Variants in DMD observed in about 807,000 individuals in gnomAD.
DMD encodes mutant dystrophin.
In DMD, 63 loss-of-function variants were observed where a neutral mutation model predicts 330.1. That is an observed-to-expected ratio of 0.19 (90% CI 0.16 to 0.24). The LOEUF is 0.24. Among genes scored for constraint, DMD ranks in the 10% least tolerant of loss-of-function variants. The pLI, the probability that DMD is intolerant of heterozygous loss-of-function variation, is 1.00. For synonymous variants in DMD, 1,223 were observed against 959.8 expected, an observed-to-expected ratio of 1.27 and a Z score of -5.07; for missense variants, 3,344 against 2,684.1, an observed-to-expected ratio of 1.25 and a Z score of -5.43.
chrX:31,434,547 G>C (rs2149026836), intron 60 of DMD, among the ~76,000 whole-genome samples: 1 of 109,278 alleles, frequency 9.2e-6, no homozygotes, highest in Non-Finnish European at 1.9e-5. Context: ...TATTTTATGA[G>C]ATTTAAAAAA....
chrX:32,482,536 T>C (rs1245993176), intron 21 of DMD, among the ~76,000 whole-genome samples: 1 of 112,059 alleles, frequency 8.9e-6, no homozygotes, highest in Non-Finnish European at 1.9e-5. Context: ...GCCCATTTTC[T>C]TCATATAGTC....
At chrX:32,291,070 T>C (rs62591920) in intron 42 of DMD, among the ~76,000 whole-genome samples, 12,655 of 111,191 alleles carry the variant, frequency 0.11, 713 homozygotes, top group Non-Finnish European at 0.16. Flanking sequence ...TTGGCTGCCT[T>C]TTCAGTAACA....
rs1352258606 is a variant in DMD at position 32,879,044 on chromosome X, AAAC to A, written c.94-29227_94-29225del. On this transcript the variant is annotated intron_variant, in intron 2 of 78. Coordinates refer to ENST00000357033, the MANE Select transcript of DMD (RefSeq NM_004006.3). Reference sequence around the variant, plus strand: ...AAAAAACAAAAAACAAACAAAAAAAAAACAACTAATATTTGTATATTAATATAA... The same window carrying A: ...AAAAAACAAAAAACAAACAAAAAAAAAACTAATATTTGTATATTAATATAA... Among the ~76,000 whole-genome samples the A allele has an allele frequency of 2.0e-4, 22 of 109,471 alleles. 1 individual carries two copies. The highest frequency in any genetic ancestry group is 5.9e-4 in the Admixed American group (6 of 10,243).
At chrX:33,240,426 T>C (rs1311091907) in intron 1 of DMD, among the ~76,000 whole-genome samples, 5 of 112,107 alleles carry the variant, frequency 4.5e-5, no homozygotes, top group Non-Finnish European at 9.4e-5. Context: ...TATTCTATTG[T>C]GTACGTATAC....
At chrX:31,994,310 T>C (rs754720485) in intron 44 of DMD, among the ~76,000 whole-genome samples, 5 of 111,920 alleles carry the variant, frequency 4.5e-5, no homozygotes, top group African/African-American at 1.6e-4. Flanking sequence ...TTTGTGCCTT[T>C]GTATGCAAAC....
At chrX:31,251,842 A>T (rs2049397096) in intron 63 of DMD, among the ~76,000 whole-genome samples, 1 of 112,600 alleles carries the variant, frequency 8.9e-6, no homozygotes, top group Non-Finnish European at 1.9e-5. Context: ...AATTGTACAT[A>T]TCCAGCACTT....
intron 55 of DMD, among the ~76,000 whole-genome samples, chrX:31,600,785 A>C (rs1348227196): frequency 2.8e-5 from 3 of 107,992 alleles, no homozygotes; most frequent in African/African-American, 1.0e-4. Flanking sequence ...CTCCCAAGGC[A>C]TTAAAATCTG....
upstream of DMD, among the ~76,000 whole-genome samples, chrX:33,216,428 G>C (rs765301824): frequency 6.4e-4 from 71 of 111,107 alleles, no homozygotes; most frequent in Middle Eastern, 4.6e-3. Context: ...GGGAACAAGA[G>C]ATACTGGGGA....
chrX:33,048,781 G>A (rs926272522), intron 1 of DMD, among the ~76,000 whole-genome samples: 1 of 105,378 alleles, frequency 9.5e-6, no homozygotes, highest in Non-Finnish European at 1.9e-5. Flanking sequence ...TGCAGGGAAA[G>A]TAATTACCAC....
intron 17 of DMD, among the ~76,000 whole-genome samples, chrX:32,519,380 A>G (rs901782166): frequency 4.5e-5 from 5 of 110,457 alleles, no homozygotes; most frequent in African/African-American, 1.6e-4. Context: ...ACAAAATTAT[A>G]AATATTTGAA....
chrX:32,399,566 T>C (rs1256435283), intron 30 of DMD, among the ~76,000 whole-genome samples: 1 of 111,053 alleles, frequency 9.0e-6, no homozygotes, highest in Non-Finnish European at 1.9e-5. Context: ...GTTTTATTTA[T>C]AAAACAAGCA....
chrX:32,737,669 T>G (rs999006503), intron 7 of DMD, among the ~76,000 whole-genome samples: 4 of 112,006 alleles, frequency 3.6e-5, no homozygotes, highest in African/African-American at 1.3e-4. Context: ...TTTTGCTGCT[T>G]CACTAAATCA....
chrX:31,164,689 C>T (rs2039228227), intron 74 of DMD, among the ~76,000 whole-genome samples: 3 of 111,096 alleles, frequency 2.7e-5, no homozygotes, highest in Non-Finnish European at 5.7e-5. Context: ...CTCGTTCCAG[C>T]ATCGCTCTTT....
At chrX:32,090,334 G>C (rs184314992) in intron 44 of DMD, among the ~76,000 whole-genome samples, 103 of 112,015 alleles carry the variant, frequency 9.2e-4, no homozygotes, top group African/African-American at 3.2e-3. Flanking sequence ...AGGAAAATGT[G>C]TGAAAGACAT....
chrX:31,961,742 T>TTTTTTG (rs1557033707), intron 45 of DMD, among the ~76,000 whole-genome samples: 1 of 90,411 alleles, frequency 1.1e-5, no homozygotes, highest in African/African-American at 5.2e-5. Flanking sequence ...AGGAAGCGGT[T>TTTTTTG]TTTTTTTTTT....
chrX:31,528,403 T>A (rs996475372), intron 55 of DMD, among the ~76,000 whole-genome samples: 2 of 112,071 alleles, frequency 1.8e-5, no homozygotes, highest in Admixed American at 9.4e-5. Flanking sequence ...ACATTAAATT[T>A]CCAAATGAAA....
intron 61 of DMD, among the ~76,000 whole-genome samples, chrX:31,341,727 T>C (rs917322860): frequency 9.0e-6 from 1 of 111,536 alleles, no homozygotes; most frequent in African/African-American, 3.3e-5. Flanking sequence ...TAACTATCTT[T>C]GTGACCTTGG....
At chrX:32,531,276 CAGTTTGG>C (rs2047453574) in intron 17 of DMD, among the ~76,000 whole-genome samples, 1 of 111,590 alleles carries the variant, frequency 9.0e-6, no homozygotes, top group Non-Finnish European at 1.9e-5. Context: ...AATATGTCCA[CAGTTTGG>C]AGAGTCATGC....
chrX:31,228,267 T>TAAAAAAAAAA (rs1367757647), intron 63 of DMD, among the ~76,000 whole-genome samples: 1 of 39,606 alleles, frequency 2.5e-5, no homozygotes, highest in Non-Finnish European at 4.1e-5. Flanking sequence ...AAAAAAAAAA[T>TAAAAAAAAAA]AAAAAAATAA....
Sources: gnomAD v4.1 joint callset for allele counts (sites outside exome capture counted in the v4.1 genomes callset) on GRCh38, gnomAD v4.1.1 for gene constraint, MANE v1.5 for transcripts, NCBI Gene and HGNC (gene_info 2026-07-23, HGNC 2026-07-21) for gene names.